NALF1: variants seen among roughly 807,000 people sequenced by gnomAD.
NALF1 encodes the protein NALCN channel auxiliary factor 1.
Under a neutral mutation model 48.4 loss-of-function variants are expected in NALF1, and 3 were observed. The ratio of observed to expected loss-of-function variants is 0.06; its 90% CI spans 0.03 to 0.16. The LOEUF (loss-of-function observed/expected upper bound fraction) is 0.16, where lower values mean the gene tolerates loss of function less well. Ranked by LOEUF, NALF1 falls within the 10% of genes least tolerant of loss-of-function variation. NALF1 has a pLI of 1.00. For synonymous variants in NALF1, 262 were observed against 245.7 expected (o/e 1.07, Z -0.62); for missense variants, 526 against 571.5 (o/e 0.92, Z 0.81).
chr13:107,325,853 CACATATATATATATATAT>C (rs1275199684), intron 1 of NALF1, among the ~76,000 whole-genome samples: 1 of 50,006 alleles, frequency 2.0e-5, no homozygotes, highest in South Asian at 1.2e-3. Flanking sequence ...CACACACACA[CACATATATATATATATAT>C]ATATATATAT....
chr13:107,754,470 T>C (rs116565452), intron 1 of NALF1, among the ~76,000 whole-genome samples: 8,936 of 152,018 alleles, frequency 0.059, 330 homozygotes, highest in Non-Finnish European at 0.063. Context: ...ATGATAATTA[T>C]CTGCGAATCG....
chr13:107,653,193 A>G (rs1157319998), intron 1 of NALF1, among the ~76,000 whole-genome samples: 1 of 152,004 alleles, frequency 6.6e-6, no homozygotes, highest in Non-Finnish European at 1.5e-5. Context: ...ATTTTACCAC[A>G]TTAAATTAGA....
chr13:107,721,442 T>C (rs1875984162), intron 1 of NALF1, among the ~76,000 whole-genome samples: 1 of 152,190 alleles, frequency 6.6e-6, no homozygotes, highest in South Asian at 2.1e-4. Context: ...GGATTTTCAA[T>C]GCTAAGCTAC....
intron 1 of NALF1, among the ~76,000 whole-genome samples, chr13:107,330,981 T>A (rs894423198): frequency 6.6e-6 from 1 of 152,192 alleles, no homozygotes; most frequent in African/African-American, 2.4e-5. Flanking sequence ...ACCTGTTTCA[T>A]GAATTACAGG....
chr13:107,430,467 A>G (rs1261870130), intron 1 of NALF1, among the ~76,000 whole-genome samples: 1 of 151,938 alleles, frequency 6.6e-6, no homozygotes. Flanking sequence ...ACTCCACAAC[A>G]GTCCCTGGTG....
chr13:107,487,731 T>C (rs965928782), intron 1 of NALF1, among the ~76,000 whole-genome samples: 85 of 152,318 alleles, frequency 5.6e-4, no homozygotes, highest in African/African-American at 1.9e-3. Flanking sequence ...GATATTGGCC[T>C]GAAGTTTTCT....
At chr13:107,196,591 C>A (rs1200288859) in intron 2 of NALF1, among the ~76,000 whole-genome samples, 1 of 152,040 alleles carries the variant, frequency 6.6e-6, no homozygotes, top group East Asian at 1.9e-4. Context: ...AAGCCAGACA[C>A]AGAAATAAAA....
chr13:107,264,320 G>T (rs1880998703), intron 1 of NALF1, among the ~76,000 whole-genome samples: 1 of 152,148 alleles, frequency 6.6e-6, no homozygotes, highest in South Asian at 2.1e-4. Context: ...TTCTCAGCAT[G>T]TTTGTTTTAA....
chr13:107,764,779 A>G (rs1349550965), intron 1 of NALF1, among the ~76,000 whole-genome samples: 1 of 152,178 alleles, frequency 6.6e-6, no homozygotes, highest in Non-Finnish European at 1.5e-5. Flanking sequence ...ATGGATTGGG[A>G]TTCACTTTAC....
At chr13:107,851,234 T>C (rs1342030180) in intron 1 of NALF1, among the ~76,000 whole-genome samples, 1 of 152,164 alleles carries the variant, frequency 6.6e-6, no homozygotes, top group African/African-American at 2.4e-5. Context: ...ATTCATAAAC[T>C]AGGCAGCAGA....
intron 1 of NALF1, among the ~76,000 whole-genome samples, chr13:107,715,002 A>T (rs1875709578): frequency 6.6e-6 from 1 of 151,934 alleles, no homozygotes; most frequent in African/African-American, 2.4e-5. Flanking sequence ...TCATTTTTGA[A>T]TTTTTTTATT....
intron 1 of NALF1, among the ~76,000 whole-genome samples, chr13:107,270,903 G>C (rs1188222037): frequency 6.6e-6 from 1 of 150,616 alleles, no homozygotes; most frequent in Non-Finnish European, 1.5e-5. Context: ...CTATGAGTGA[G>C]AATATGCGGT....
chr13:107,451,141 C>T (rs973195639), intron 1 of NALF1, among the ~76,000 whole-genome samples: 1 of 152,176 alleles, frequency 6.6e-6, no homozygotes, highest in African/African-American at 2.4e-5. Flanking sequence ...GGTCAGAGCT[C>T]TGTGGCAGGA....
At chr13:107,750,761 T>C (rs1876915140) in intron 1 of NALF1, among the ~76,000 whole-genome samples, 1 of 152,122 alleles carries the variant, frequency 6.6e-6, no homozygotes, top group African/African-American at 2.4e-5. Flanking sequence ...AATTGGAAAA[T>C]AAACTTCTTG....
At chr13:107,576,531 C>CA (rs1277222451) in intron 1 of NALF1, among the ~76,000 whole-genome samples, 1 of 152,088 alleles carries the variant, frequency 6.6e-6, no homozygotes, top group African/African-American at 2.4e-5. Context: ...AAACCAACAT[C>CA]AAAAAATAGT....
intron 1 of NALF1, among the ~76,000 whole-genome samples, chr13:107,414,086 A>G (rs1884041466): frequency 1.3e-5 from 2 of 152,206 alleles, no homozygotes. Flanking sequence ...GAGCCACTGC[A>G]CCAGGCCAAT....
At chr13:107,806,733 A>C (rs1183581134) in intron 1 of NALF1, among the ~76,000 whole-genome samples, 1 of 152,188 alleles carries the variant, frequency 6.6e-6, no homozygotes, top group Non-Finnish European at 1.5e-5. Flanking sequence ...CATTTTATTT[A>C]CCAAATGTTT....
At chr13:107,306,242 T>C (rs888562816) in intron 1 of NALF1, among the ~76,000 whole-genome samples, 2 of 152,184 alleles carry the variant, frequency 1.3e-5, no homozygotes, top group Non-Finnish European at 2.9e-5. Flanking sequence ...CAACATGATA[T>C]GACTTCTCAC....
intron 1 of NALF1, among the ~76,000 whole-genome samples, chr13:107,737,122 G>A (rs80340625): frequency 0.045 from 6,845 of 152,154 alleles, 409 homozygotes; most frequent in African/African-American, 0.13. Flanking sequence ...TTAAGTCTTC[G>A]TAAATGGCAT....
Sources: gnomAD v4.1 joint callset for allele counts (sites outside exome capture counted in the v4.1 genomes callset) on GRCh38, gnomAD v4.1.1 for gene constraint, MANE v1.5 for transcripts, NCBI Gene and HGNC (gene_info 2026-07-23, HGNC 2026-07-21) for gene names.